Variants in SGIP1 observed in about 807,000 individuals in gnomAD.
The protein encoded by SGIP1 is SH3-containing GRB2-like protein 3-interacting protein 1.
In SGIP1, 38 loss-of-function variants were observed where a neutral mutation model predicts 107.5. That is an observed-to-expected ratio of 0.35 (90% CI 0.27 to 0.46). The LOEUF is 0.46. Among genes scored for constraint, SGIP1 ranks in the 20% least tolerant of loss-of-function variants. The pLI is 1.00. For synonymous variants in SGIP1, 365 were observed against 366.1 expected, an observed-to-expected ratio of 1.00 and a Z score of 0.03; for missense variants, 929 against 1,019.5, an observed-to-expected ratio of 0.91 and a Z score of 1.21.
At chr1:66,603,667 T>A (rs1228756941) in intron 1 of SGIP1, among the ~76,000 whole-genome samples, 1 of 152,136 alleles carries the variant, frequency 6.6e-6, no homozygotes, top group East Asian at 1.9e-4. Context: ...AAAGCCTAAT[T>A]TTTTTAAGCA....
chr1:66,650,653 T>C (rs1369381298), intron 7 of SGIP1, among the ~76,000 whole-genome samples: 1 of 152,204 alleles, frequency 6.6e-6, no homozygotes, highest in Non-Finnish European at 1.5e-5. Context: ...CACGGAGCAC[T>C]GTCTGACACA....
intron 1 of SGIP1, among the ~76,000 whole-genome samples, chr1:66,575,887 A>G (rs1402898878): frequency 3.3e-5 from 5 of 152,192 alleles, no homozygotes; most frequent in South Asian, 2.1e-4. Flanking sequence ...TGCCTTTGTT[A>G]TCAGTGACTC....
At chr1:66,628,285 G>C (rs2073416810) in intron 2 of SGIP1, among the ~76,000 whole-genome samples, 1 of 152,044 alleles carries the variant, frequency 6.6e-6, no homozygotes, top group African/African-American at 2.4e-5. Flanking sequence ...CAGAATATGT[G>C]ATGATGCCTT....
intron 17 of SGIP1, among the ~76,000 whole-genome samples, chr1:66,693,367 G>A (rs768918668): frequency 6.6e-5 from 10 of 152,140 alleles, no homozygotes; most frequent in Non-Finnish European, 1.2e-4. Context: ...TCAATATTAT[G>A]AGGATAGAGA....
At chr1:66,622,261 A>G (rs2071338781) in intron 1 of SGIP1, among the ~76,000 whole-genome samples, 1 of 152,218 alleles carries the variant, frequency 6.6e-6, no homozygotes, top group South Asian at 2.1e-4. Flanking sequence ...TCTCAGGCTC[A>G]CTACTTTAGG....
intron 20 of SGIP1, among the ~76,000 whole-genome samples, chr1:66,729,802 T>C (rs187709666): frequency 6.6e-6 from 1 of 152,320 alleles, no homozygotes; most frequent in Admixed American, 6.5e-5. Flanking sequence ...AGCATCTTTT[T>C]ATTTTTATTT....
intron 1 of SGIP1, among the ~76,000 whole-genome samples, chr1:66,602,279 T>C (rs1212015210): frequency 1.3e-5 from 2 of 152,218 alleles, no homozygotes; most frequent in African/African-American, 4.8e-5. Flanking sequence ...CCATGTGACC[T>C]GAGCTTCCCA....
At chr1:66,585,594 T>TGTGTGTGTG in intron 1 of SGIP1, among the ~76,000 whole-genome samples, 2 of 83,908 alleles carry the variant, frequency 2.4e-5, no homozygotes, top group African/African-American at 1.1e-4. Context: ...GTGTGTGTGT[T>TGTGTGTGTG]TTGTTTTGTT....
intron 1 of SGIP1, among the ~76,000 whole-genome samples, chr1:66,563,126 A>G (rs1295443636): frequency 6.6e-6 from 1 of 151,918 alleles, no homozygotes; most frequent in African/African-American, 2.4e-5. Context: ...CAAGAGGAAA[A>G]CCACAACATC....
chr1:66,558,465 A>G (rs1439514637), intron 1 of SGIP1, among the ~76,000 whole-genome samples: 1 of 151,972 alleles, frequency 6.6e-6, no homozygotes, highest in Non-Finnish European at 1.5e-5. Flanking sequence ...ATATTAGACT[A>G]TATATTATAT....
At chr1:66,568,100 G>A (rs1028397876) in intron 1 of SGIP1, among the ~76,000 whole-genome samples, 2 of 152,078 alleles carry the variant, frequency 1.3e-5, no homozygotes, top group African/African-American at 4.8e-5. Context: ...TGGGTAGTAT[G>A]GCCATTTTCA....
intron 5 of SGIP1, 90 bp from the exon 6 acceptor site, chr1:66,642,720 T>C (rs1213657599): frequency 3.6e-6 from 4 of 1,119,884 alleles, no homozygotes; most frequent in Middle Eastern, 2.1e-4. Context: ...AAGACTTTTC[T>C]ATATCCTTAA....
chr1:66,614,014 T>A (rs2068631171), intron 1 of SGIP1, among the ~76,000 whole-genome samples: 1 of 152,224 alleles, frequency 6.6e-6, no homozygotes, highest in African/African-American at 2.4e-5. Flanking sequence ...TAGAGTCATA[T>A]CCCTGCCCTA....
chr1:66,740,379 A>G (rs1170884794), intron 22 of SGIP1, among the ~76,000 whole-genome samples: 1 of 152,144 alleles, frequency 6.6e-6, no homozygotes, highest in Non-Finnish European at 1.5e-5. Flanking sequence ...CTATCTTCCC[A>G]TGTATCTGTC....
chr1:66,720,932 C>T (rs993271543), intron 19 of SGIP1, among the ~76,000 whole-genome samples: 1 of 152,036 alleles, frequency 6.6e-6, no homozygotes, highest in South Asian at 2.1e-4. Context: ...ACGTAAAACT[C>T]GAAATCTAAC....
chr1:66,607,072 T>C (rs1478150879), intron 1 of SGIP1, among the ~76,000 whole-genome samples: 2 of 152,202 alleles, frequency 1.3e-5, no homozygotes, highest in African/African-American at 4.8e-5. Context: ...TTCTGTGAAC[T>C]GTACTACGTT....
rs114648719 is a variant in SGIP1 at position 66,601,539 on chromosome 1, G to C, written c.11-24308G>C. ...TGTGCATGTGTGTGTGTGTGAGAGA[G>C]AGAGAGAGAGAGAAAAGAATAGAAT... On this transcript the variant is annotated intron_variant, in intron 1 of 24. Transcript: ENST00000371037. Among the ~76,000 whole-genome samples the C allele has an allele frequency of 7.0e-3, 1,073 of 152,204 alleles. 18 individuals are homozygous for C. Among genetic ancestry groups the C allele is most frequent in the African/African-American group, 0.024 (1,003 of 41,494 alleles).
chr1:66,681,908 T>A lies in SGIP1; in HGVS notation c.854T>A (p.Leu285Gln), dbSNP rs2086794815. Residue 285 changes from leucine to glutamine, a missense_variant, in exon 15 of 25, where the codon CTA becomes CAA. Around this residue, in one of 2 missense-constraint regions of SGIP1, gnomAD observed 588 missense variants for 588.6 expected, o/e 1.00. Coordinates refer to ENST00000371037, the MANE Select transcript of SGIP1 (RefSeq NM_032291.4). ...GCCACAGAGGTCAAAATTGAAAAACTACCATCCATCAATGACTTGGACAGC... is the reference window on the plus strand; with the variant it reads ...GCCACAGAGGTCAAAATTGAAAAACAACCATCCATCAATGACTTGGACAGC... ...QSATEVKIEK[L>Q]PSINDLDSIF... The A allele has an allele frequency of 3.1e-6, 5 of 1,613,880 alleles. No homozygotes were observed. The highest frequency in any genetic ancestry group is 4.2e-6 in the Non-Finnish European group (5 of 1,179,854).
intron 7 of SGIP1, among the ~76,000 whole-genome samples, chr1:66,646,402 C>T (rs1357466545): frequency 2.0e-5 from 3 of 152,164 alleles, no homozygotes; most frequent in South Asian, 4.1e-4. Flanking sequence ...TCAATCATTA[C>T]ATTAATAGAA....
Sources: allele counts gnomAD v4.1 joint callset (sites outside exome capture counted in the v4.1 genomes callset), GRCh38; gene constraint gnomAD v4.1.1; regional missense constraint gnomAD v4.1.1; transcripts MANE v1.5; gene names NCBI Gene and HGNC (gene_info 2026-07-23, HGNC 2026-07-21).